BRWD3: variants seen among roughly 807,000 people sequenced by gnomAD.
The protein encoded by BRWD3 is bromodomain and WD repeat-containing protein 3.
In BRWD3, 10 loss-of-function variants were observed where a neutral mutation model predicts 149.7. The observed-to-expected ratio is 0.07, with a 90% CI of 0.04 to 0.11. BRWD3 has a LOEUF of 0.11. BRWD3 is among the 10% of genes least tolerant of loss of function. The pLI is 1.00. For missense variants in BRWD3, 940 were observed against 1,373.2 expected, an observed-to-expected ratio of 0.68 and a Z score of 4.99; for synonymous variants, 504 against 456.7, an observed-to-expected ratio of 1.10 and a Z score of -1.32.
In BRWD3 at chrX:80,809,752, GAGGAA is replaced by G; in HGVS notation, c.-286_-282del. ...GAGAGAGAGAAGAGAGAGAGAGAGA[GAGGAA>G]AAAGAGAGAGAGAGAGAGAGAGAGA... On this transcript the variant is annotated 5_prime_UTR_variant, in exon 1 of 41. Transcript: ENST00000373275. 6.8e-6 allele frequency: 1 copy of G among 146,953 alleles called. No homozygotes were observed. The highest frequency in any genetic ancestry group is 1.2e-5 in the Non-Finnish European group (1 of 82,943). 12.1% of individuals were successfully genotyped at this position (146,953 alleles called of 1,213,427 possible). A position where few individuals can be genotyped will look rare whatever the true frequency, so the allele number is the denominator to read the frequency against.
At chrX:80,724,706 T>A (rs767318050) in intron 15 of BRWD3, among the ~76,000 whole-genome samples, 12 of 111,555 alleles carry the variant, frequency 1.1e-4, no homozygotes, top group Non-Finnish European at 1.5e-4. Context: ...TATCTGTAGT[T>A]TGGGACTGGG....
intron 8 of BRWD3, chrX:80,743,734 G>T: frequency 8.0e-6 from 2 of 248,541 alleles, no homozygotes; most frequent in Non-Finnish European, 1.4e-5. Context: ...TATCCTAATA[G>T]GAAAGAGTGT....
At chrX:80,706,732 T>C (rs1264888471) in intron 22 of BRWD3, among the ~76,000 whole-genome samples, 1 of 112,387 alleles carries the variant, frequency 8.9e-6, no homozygotes, top group African/African-American at 3.2e-5. Context: ...AAAATAACAA[T>C]AAAAAGTATA....
chrX:80,749,513 CT>C (rs1231270306), intron 6 of BRWD3, among the ~76,000 whole-genome samples: 3 of 111,366 alleles, frequency 2.7e-5, no homozygotes, highest in African/African-American at 9.8e-5. Context: ...CTCCTGTTCT[CT>C]TTTGGATTCC....
intron 6 of BRWD3, among the ~76,000 whole-genome samples, chrX:80,763,180 T>G (rs1239155614): frequency 9.0e-6 from 1 of 111,470 alleles, no homozygotes; most frequent in Non-Finnish European, 1.9e-5. Context: ...TATTATTATC[T>G]CCTTTTTAAA....
At position 80,696,840 on chromosome X, in the gene BRWD3, T is replaced by A; in HGVS notation, c.2967A>T (p.Val989=). 2.5e-6 allele frequency: 3 copies of A among 1,204,683 alleles called. No homozygotes were observed. Among genetic ancestry groups the A allele is most frequent in the Non-Finnish European group, 3.4e-6 (3 of 889,153 alleles). The change falls in exon 26 of 41, where the codon GTA becomes GTT. Residue 989 remains valine (V), a synonymous_variant. Coordinates refer to ENST00000373275, the MANE Select transcript of BRWD3 (RefSeq NM_153252.5). ...GTGGGCCAACCTCATATTTGATTCC[T>A]ACAATCTTAACAAACTCTTGCTCCT... is the stretch of plus-strand genomic sequence containing the variant. The part of the protein sequence containing the change: ...DLREQEFVKI[V]GIKYEVGPPT...
At position 80,724,964 on chromosome X, in the gene BRWD3, C is replaced by A; in HGVS notation, c.1490G>T (p.Arg497Leu). The A allele has an allele frequency of 8.3e-7, 1 of 1,209,951 alleles. No homozygotes were observed. The highest frequency in any genetic ancestry group is 1.1e-6 in the Non-Finnish European group (1 of 894,340). ...DGNIFIWDLD[R>L]GTKIRNYFNM... ...AAAGTAATTCCGAATTTTGGTCCCC[C>A]GGTCAAGGTCCCAAATAAAAATGTT... Residue 497 changes from arginine (R) to leucine (L), a missense_variant, in exon 15 of 41, where the codon CGG (arginine) becomes CTG (leucine). Arg to Leu is a moderately radical substitution (Grantham distance 102). This residue lies in a region of BRWD3 where 209 missense variants were observed against 396.8 expected (regional missense o/e 0.53). Coordinates refer to ENST00000373275, the MANE Select transcript of BRWD3 (RefSeq NM_153252.5).
intron 34 of BRWD3, 125 bp from the exon 35 acceptor site, chrX:80,687,128 G>T: frequency 2.1e-6 from 1 of 480,487 alleles, no homozygotes; most frequent in Non-Finnish European, 3.1e-6. Flanking sequence ...ATATATGGCA[G>T]CTGCTATTTT....
chrX:80,719,458 C>A, intron 18 of BRWD3, 31 bp downstream of exon 18: 1 of 1,154,067 alleles, frequency 8.7e-7, no homozygotes, highest in Non-Finnish European at 1.2e-6. Context: ...AGTACATAAA[C>A]TACACCCTTT....
In BRWD3 at chrX:80,789,025, T is replaced by C. The variant is rs1400062170; in HGVS notation, c.430+2829A>G. Among the ~76,000 whole-genome samples the C allele has an allele frequency of 3.6e-5, 4 of 112,085 alleles. No homozygotes were observed. The South Asian group carries it at 1.5e-3, about 42-fold the overall frequency. ...AATGTATACAATTTGTCAAAACTTA[T>C]TGAACTGCACACTTAAAAAGACAGC... On this transcript the variant is annotated intron_variant, in intron 6 of 40. Transcript: ENST00000373275.
chrX:80,736,383 C>T (rs947894173), intron 8 of BRWD3, among the ~76,000 whole-genome samples: 1 of 111,337 alleles, frequency 9.0e-6, no homozygotes, highest in Non-Finnish European at 1.9e-5. Flanking sequence ...TAATCACTTT[C>T]GGTGGAGAAT....
intron 33 of BRWD3, among the ~76,000 whole-genome samples, chrX:80,689,181 GGTTTTT>G (rs2072577022): frequency 9.0e-6 from 1 of 110,819 alleles, no homozygotes. Context: ...CCTCTATTTT[GGTTTTT>G]GTTTCTATCA....
chrX:80,770,049 AG>A (rs1205572356), intron 6 of BRWD3, among the ~76,000 whole-genome samples: 1 of 111,730 alleles, frequency 9.0e-6, no homozygotes, highest in Non-Finnish European at 1.9e-5. Flanking sequence ...AGACTAAACC[AG>A]GAAGAACTTG....
At chrX:80,678,679 A>G (rs1197637530) in intron 40 of BRWD3, among the ~76,000 whole-genome samples, 1 of 111,619 alleles carries the variant, frequency 9.0e-6, no homozygotes, top group Non-Finnish European at 1.9e-5. Context: ...AAGATAAAGA[A>G]GAACCAACAA....
At chrX:80,799,020 TATA>T (rs766928323) in intron 4 of BRWD3, among the ~76,000 whole-genome samples, 21 of 112,029 alleles carry the variant, frequency 1.9e-4, no homozygotes, top group African/African-American at 6.2e-4. Context: ...GCTGAAAAAT[TATA>T]ATGATAGCAA....
intron 3 of BRWD3, 127 bp downstream of exon 3, chrX:80,808,886 C>A (rs1449964041): frequency 7.9e-6 from 6 of 760,096 alleles, no homozygotes; most frequent in Non-Finnish European, 9.9e-6. Context: ...CAATTCACCC[C>A]GGTGACAACA....
intron 14 of BRWD3, among the ~76,000 whole-genome samples, chrX:80,725,949 T>C (rs1434154205): frequency 2.7e-5 from 3 of 111,168 alleles, no homozygotes; most frequent in Non-Finnish European, 5.7e-5. Context: ...ATGTTACATG[T>C]CTATATAACA....
rs150423801 is a variant in BRWD3 at position 80,717,653 on chromosome X, C to T, written c.2151G>A (p.Arg717=). 27 of 1,209,663 alleles carry T rather than the reference C, an allele frequency of 2.2e-5. No homozygotes were observed. Among genetic ancestry groups the T allele is most frequent in the Non-Finnish European group, 2.9e-5 (26 of 894,855 alleles). ...GATCTCTTTCAGTGGCCATCTGGCT[C>T]CGAGGAGCATTGTTATGCATTTGTC... ...GVRQMHNNAP[R]SQMATERDLM... is the part of the protein sequence containing the mutation. Residue 717 remains arginine (R), a synonymous_variant, in exon 19 of 41, where the codon CGG becomes CGA. Coordinates refer to ENST00000373275, the MANE Select transcript of BRWD3 (RefSeq NM_153252.5).
rs982286972 is a variant in BRWD3 at position 80,675,061 on chromosome X, T to C, written c.*1548A>G. 3 of 111,660 alleles carry C rather than the reference T, an allele frequency of 2.7e-5. No individual in the cohort carries two copies. Among genetic ancestry groups the C allele is most frequent in the African/African-American group, 9.7e-5 (3 of 30,792 alleles). The allele number at this position is 111,660 out of a possible 1,213,427, so 9.2% of individuals were successfully genotyped here. On this transcript the variant is annotated 3_prime_UTR_variant, in exon 41 of 41. Transcript: ENST00000373275. Reference sequence around the variant, plus strand: ...GAAACAGAAATTGCTATTATCCCTCTTACCTCAGAAATGTAAGTATCTAAC... The same window carrying C: ...GAAACAGAAATTGCTATTATCCCTCCTACCTCAGAAATGTAAGTATCTAAC...
Sources: allele counts gnomAD v4.1 joint callset (sites outside exome capture counted in the v4.1 genomes callset), GRCh38; gene constraint gnomAD v4.1.1; regional missense constraint gnomAD v4.1.1; transcripts MANE v1.5; gene names NCBI Gene and HGNC (gene_info 2026-07-23, HGNC 2026-07-21).